The following SNX8 variants were observed in gnomAD, a reference collection of about 807,000 sequenced individuals.
SNX8 encodes sorting nexin 8.
In SNX8, 25 loss-of-function variants were observed where a neutral mutation model predicts 51.6. That is an observed-to-expected ratio of 0.48 (90% CI 0.35 to 0.68). SNX8 has a LOEUF of 0.68. SNX8 is among the 30% of genes least tolerant of loss of function. SNX8 has a pLI of 0.00. For missense variants in SNX8, 695 were observed against 624.0 expected (o/e 1.11, Z -1.21); for synonymous variants, 324 against 277.0 (o/e 1.17, Z -1.68).
chr7:2,254,948 G>A lies in SNX8; in HGVS notation c.*108C>T, dbSNP rs959321941. ...GCTCCTCTGCTCCAGCTGCAGCACG[G>A]GGCGTGGCGGGGAGGGGAGCTGCCG... On this transcript the variant is annotated 3_prime_UTR_variant, in exon 11 of 11. Coordinates refer to ENST00000222990, the MANE Select transcript of SNX8 (RefSeq NM_013321.4). The A allele has an allele frequency of 2.3e-5, 18 of 781,068 alleles. No individual in the cohort carries two copies. The highest frequency in any genetic ancestry group is 2.0e-4 in the African/African-American group (12 of 58,754). 48.4% of individuals were successfully genotyped at this position (781,068 alleles called of 1,614,324 possible). A position where few individuals can be genotyped will look rare whatever the true frequency, so the allele number is the denominator to read the frequency against.
intron 7 of SNX8, among the ~76,000 whole-genome samples, chr7:2,262,443 G>C (rs114239796): frequency 3.9e-5 from 6 of 152,156 alleles, no homozygotes; most frequent in Admixed American, 1.3e-4. Context: ...AGATCTTGGC[G>C]AATTTCTGAA....
chr7:2,308,653 G>A lies in SNX8; in HGVS notation c.94+5675C>T, dbSNP rs1293469076. On this transcript the variant is annotated intron_variant, in intron 1 of 10. Transcript: ENST00000222990. The stretch of plus-strand genomic sequence containing the variant: ...TGCACTCCAGCCTGGGCAACAGAGT[G>A]AGACTCTGTCTCAAAAAAAAAAAAA... Among the ~76,000 whole-genome samples the A allele has an allele frequency of 1.9e-4, 23 of 121,150 alleles. No individual in the cohort carries two copies. In the East Asian group the frequency reaches 2.8e-3, roughly 15 times the overall value. 79.5% of individuals were successfully genotyped at this position (121,150 alleles called of 152,430 possible).
chr7:2,352,782 G>T (rs1779178129), intron 1 of SNX8, among the ~76,000 whole-genome samples: 1 of 151,954 alleles, frequency 6.6e-6, no homozygotes, highest in Non-Finnish European at 1.5e-5. Flanking sequence ...CTTGCAGTGA[G>T]CCGAGATCGT....
rs553963645 is a variant in SNX8 at position 2,284,651 on chromosome 7, A to G, written c.95-6346T>C. Reference sequence around the variant, plus strand: ...GATCTCCTGACCTTGTGATCCGCCCACCTCAGCCTCCCAAAGTGCTGGGAT... The same window carrying G: ...GATCTCCTGACCTTGTGATCCGCCCGCCTCAGCCTCCCAAAGTGCTGGGAT... On this transcript the variant is annotated intron_variant, in intron 1 of 10. Transcript: ENST00000222990. Among the ~76,000 whole-genome samples the G allele has an allele frequency of 4.6e-3, 677 of 148,060 alleles. 3 individuals carry two copies. The highest frequency in any genetic ancestry group is 5.5e-3 in the Non-Finnish European group (368 of 66,678).
At chr7:2,352,549 A>G (rs1583134045) in intron 1 of SNX8, among the ~76,000 whole-genome samples, 1 of 151,772 alleles carries the variant, frequency 6.6e-6, no homozygotes, top group Admixed American at 6.6e-5. Context: ...GAAAAAACAT[A>G]CTCCCAGGCG....
chr7:2,325,333 GA>G (rs1186125103), intron 1 of SNX8, among the ~76,000 whole-genome samples: 1 of 152,116 alleles, frequency 6.6e-6, no homozygotes. Flanking sequence ...GGTGGATACA[GA>G]AAAAGCTTAG....
Position 2,328,429 on chromosome 7 carries a change from T to C in SNX8, c.-66+25793A>G, listed in dbSNP as rs1486888409. 2.6e-5 allele frequency among the ~76,000 whole-genome samples: 4 copies of C among 151,920 alleles called. No individual in the cohort carries two copies. The East Asian group carries it at 5.8e-4, about 22-fold the overall frequency. On this transcript the variant is annotated intron_variant, in intron 1 of 5. Transcript: ENST00000435336. ...CTGGTCTTCAACTCCTGGGCTCAAATGATCCTCCTGCCTTGGCCTCCCAAA... is the reference window on the plus strand; with the variant it reads ...CTGGTCTTCAACTCCTGGGCTCAAACGATCCTCCTGCCTTGGCCTCCCAAA...
intron 1 of SNX8, among the ~76,000 whole-genome samples, chr7:2,301,251 G>A (rs960772350): frequency 1.3e-5 from 2 of 152,178 alleles, no homozygotes; most frequent in African/African-American, 4.8e-5. Flanking sequence ...ACCCTCACAG[G>A]CCAGGCCACA....
intron 1 of SNX8, among the ~76,000 whole-genome samples, chr7:2,283,421 C>T (rs984990277): frequency 2.6e-5 from 4 of 152,242 alleles, no homozygotes; most frequent in Non-Finnish European, 5.9e-5. Flanking sequence ...CGCCCAGGCA[C>T]TCCCTGGGGT....
intron 1 of SNX8, among the ~76,000 whole-genome samples, chr7:2,329,410 A>G (rs1459157851): frequency 6.6e-6 from 1 of 152,232 alleles, no homozygotes; most frequent in Non-Finnish European, 1.5e-5. Flanking sequence ...TTGCCGGCCT[A>G]GTCGGCACAC....
intron 4 of SNX8, among the ~76,000 whole-genome samples, chr7:2,269,934 T>A (rs901132189): frequency 6.6e-6 from 1 of 151,998 alleles, no homozygotes; most frequent in Non-Finnish European, 1.5e-5. Flanking sequence ...AGCCACTCCA[T>A]CCACAGACCA....
rs1562419133 is a variant in SNX8 at position 2,256,945 on chromosome 7, G to C, written c.1213C>G (p.His405Asp). 1 of 1,613,624 alleles carries C rather than the reference G, an allele frequency of 6.2e-7. No individual in the cohort carries two copies. Among genetic ancestry groups the C allele is most frequent in the Non-Finnish European group, 8.5e-7 (1 of 1,179,840 alleles). The change falls in exon 10 of 11, where the codon CAC (histidine) becomes GAC (aspartate). Residue 405 changes from histidine (H) to aspartate (D), a missense_variant. Transcript: ENST00000222990. ...TGGGAGGTGAGGGGCAGGTAGACGT[G>C]GATGAGCTGCGTCTCCTGGTGCAGG... ...YCLHQETQLI[H>D]VYLPLTSHIL...
At chr7:2,319,084 A>G (rs1192517459), upstream of SNX8, among the ~76,000 whole-genome samples, 4 of 152,168 alleles carry the variant, frequency 2.6e-5, no homozygotes, top group Admixed American at 2.6e-4. Context: ...CACGCCTGTA[A>G]CCCCAGCACT....
chr7:2,286,610 C>A (rs896711875), intron 1 of SNX8, among the ~76,000 whole-genome samples: 1 of 151,398 alleles, frequency 6.6e-6, no homozygotes, highest in African/African-American at 2.4e-5. Flanking sequence ...CTCCACCTCC[C>A]GGGGTTCACG....
intron 4 of SNX8, 81 bp from the exon 5 acceptor site, chr7:2,269,720 G>C: frequency 1.2e-6 from 1 of 864,572 alleles, no homozygotes; most frequent in Non-Finnish European, 1.8e-6. Context: ...ACTGTGGAGC[G>C]GGAGGTCGTC....
rs1159484007 is a variant in SNX8 at position 2,253,399 on chromosome 7, A to G, written c.*1657T>C. On this transcript the variant is annotated 3_prime_UTR_variant, in exon 11 of 11. Coordinates refer to ENST00000222990, the MANE Select transcript of SNX8 (RefSeq NM_013321.4). Reference sequence around the variant, plus strand: ...AGAGGCCTTGCAGCCTTCTGCCCACACGGGGTCACGCTTCATGGCTCGGGT... The same window carrying G: ...AGAGGCCTTGCAGCCTTCTGCCCACGCGGGGTCACGCTTCATGGCTCGGGT... 6.6e-6 allele frequency: 1 copy of G among 152,338 alleles called. No individual in the cohort carries two copies. The highest frequency in any genetic ancestry group is 1.5e-5 in the Non-Finnish European group (1 of 68,190). 9.4% of individuals were successfully genotyped at this position (152,338 alleles called of 1,614,324 possible). A position where few individuals can be genotyped will look rare whatever the true frequency, so the allele number is the denominator to read the frequency against.
At chr7:2,261,696 C>G (rs572168184) in intron 7 of SNX8, among the ~76,000 whole-genome samples, 1 of 152,224 alleles carries the variant, frequency 6.6e-6, no homozygotes, top group African/African-American at 2.4e-5. Context: ...TCTACAGAAA[C>G]CAACAGTGCC....
intron 1 of SNX8, among the ~76,000 whole-genome samples, chr7:2,292,936 T>C (rs568115292): frequency 2.6e-5 from 4 of 152,090 alleles, no homozygotes; most frequent in African/African-American, 9.6e-5. Flanking sequence ...GGTGGCAGAA[T>C]GACTTGAGCC....
chr7:2,264,225 C>T (rs1317843489), intron 6 of SNX8, 73 bp downstream of exon 6: 18 of 1,457,404 alleles, frequency 1.2e-5, no homozygotes, highest in Non-Finnish European at 1.7e-5. Flanking sequence ...ACGCACTTTC[C>T]GCCCAAGCCC....
Sources: allele counts gnomAD v4.1 joint callset (sites outside exome capture counted in the v4.1 genomes callset), GRCh38; gene constraint gnomAD v4.1.1; transcripts MANE v1.5; gene names NCBI Gene and HGNC (gene_info 2026-07-23, HGNC 2026-07-21).